SCNN1D: variants seen among roughly 807,000 people sequenced by gnomAD.
SCNN1D encodes sodium channel epithelial 1 subunit delta.
Under a neutral mutation model 87.8 loss-of-function variants are expected in SCNN1D, and 104 were observed. The observed-to-expected ratio is 1.18, with a 90% CI of 1.01 to 1.39. The LOEUF is 1.39. Ranked by LOEUF, SCNN1D falls within the 40% of genes most tolerant of loss-of-function variation. The pLI is 0.00. For synonymous variants in SCNN1D, 628 were observed against 481.2 expected, an observed-to-expected ratio of 1.31 and a Z score of -3.99; for missense variants, 1,324 against 1,093.9, an observed-to-expected ratio of 1.21 and a Z score of -2.97.
rs1640519980 is a variant in SCNN1D, at chr1:1,283,980, G to A, written c.354G>A (p.Glu118=). Reference sequence around the variant, plus strand: ...CCCAGCCAGCCTGTTTTAAATAGGAGGCCAGAGGCTCCATCCTGCTTCAGA... The same window carrying A: ...CCCAGCCAGCCTGTTTTAAATAGGAAGCCAGAGGCTCCATCCTGCTTCAGA... ...VAAASFQSRQ[E]ARGSILLQSC... Residue 118 remains glutamate, a splice_region_variant and synonymous_variant, in exon 5 of 18, where the codon GAG becomes GAA. Transcript: ENST00000379116. 6.9e-7 allele frequency: 1 copy of A among 1,457,426 alleles called. No individual in the cohort carries two copies. 90.3% of individuals were successfully genotyped at this position (1,457,426 alleles called of 1,614,324 possible). A position where few individuals can be genotyped will look rare whatever the true frequency, so the allele number is the denominator to read the frequency against.
At chr1:1,285,882 G>C (rs1640577250) in intron 6 of SCNN1D, 44 bp from the exon 7 acceptor site, 12 of 1,502,428 alleles carry the variant, frequency 8.0e-6, no homozygotes, top group Non-Finnish European at 1.1e-5. Context: ...AGGGAGGCCT[G>C]AGTGGGTGCA....
In SCNN1D at chr1:1,282,286, G is replaced by A; in HGVS notation, c.322G>A (p.Val108Met). 1 of 1,550,130 alleles carries A rather than the reference G, an allele frequency of 6.5e-7. No individual in the cohort carries two copies. The part of the protein sequence containing the change: ...SMAFLSRTSP[V>M]AAASFQSRQE... ...GGCTTTCCTCTCCAGGACGTCACCG[G>A]TGGCAGCTGCTTCCTTCCAGAGCCG... The change falls in exon 4 of 18, where the codon GTG becomes ATG. Residue 108 changes from valine to methionine, a missense_variant. Physicochemically the swap from Val to Met is conservative, Grantham distance 21. Transcript: ENST00000379116.
Position 1,281,526 on chromosome 1 carries a change from C to T in SCNN1D, c.193C>T (p.Pro65Ser). Residue 65 changes from proline (P) to serine (S), a missense_variant, in exon 3 of 18, where the codon CCA (proline) becomes TCA (serine). Pro to Ser is a moderately conservative substitution (Grantham distance 74). Transcript: ENST00000379116. ...ARGWPRRGGG[P>S]CGFTSAGHVL... ...GGGATGGCCCAGAAGAGGGGGAGGACCATGTGGATTCACCAGTGCTGGACA... is the reference window on the plus strand; with the variant it reads ...GGGATGGCCCAGAAGAGGGGGAGGATCATGTGGATTCACCAGTGCTGGACA... 6.5e-7 allele frequency: 1 copy of T among 1,535,574 alleles called. No homozygotes were observed. Among genetic ancestry groups the T allele is most frequent in the African/African-American group, 1.4e-5 (1 of 73,172 alleles).
chr1:1,284,974 G>A (rs945774626), intron 5 of SCNN1D, among the ~76,000 whole-genome samples: 8 of 152,188 alleles, frequency 5.3e-5, no homozygotes, highest in East Asian at 3.9e-4. Flanking sequence ...CTGTCTATGC[G>A]CCAGGTGGAG....
chr1:1,283,569 G>T (rs1160453079), intron 4 of SCNN1D, among the ~76,000 whole-genome samples: 2 of 152,186 alleles, frequency 1.3e-5, no homozygotes, highest in Non-Finnish European at 2.9e-5. Flanking sequence ...ATGGTGGCAG[G>T]TGCCCGTAAT....
intron 5 of SCNN1D, among the ~76,000 whole-genome samples, chr1:1,284,341 G>T (rs1335737206): frequency 1.6e-5 from 2 of 127,104 alleles, no homozygotes; most frequent in Admixed American, 7.6e-5. Context: ...GGGCTGGCGG[G>T]GGGGCTCCCA....
chr1:1,281,793 C>T (rs1640476348), intron 3 of SCNN1D, 183 bp downstream of exon 3: 1 of 618,074 alleles, frequency 1.6e-6, no homozygotes, highest in East Asian at 2.8e-5. Context: ...GGCCTTGCTC[C>T]TGCAAGCTGC....
intron 4 of SCNN1D, 133 bp from the exon 5 acceptor site, chr1:1,283,845 T>G (rs891458246): frequency 2.7e-5 from 13 of 473,192 alleles, no homozygotes; most frequent in Non-Finnish European, 3.3e-5. Flanking sequence ...GGGAAAGATT[T>G]CACCTGCAGA....
In SCNN1D at chr1:1,287,028, G is replaced by A. The variant is rs572018418; in HGVS notation, c.1119+53G>A. 100 of 1,584,574 alleles carry A rather than the reference G, an allele frequency of 6.3e-5. No homozygotes were observed. In the African/African-American group the frequency reaches 1.1e-3, roughly 17 times the overall value. On this transcript the variant is annotated intron_variant, in intron 8 of 17. Transcript: ENST00000379116. ...CATCAGGGCCTTGAGCTGGGAGCACGGCCCTGCGCTGCTGGTACCTCGAGT... is the reference window on the plus strand; with the variant it reads ...CATCAGGGCCTTGAGCTGGGAGCACAGCCCTGCGCTGCTGGTACCTCGAGT...
intron 16 of SCNN1D, 23 bp from the exon 17 acceptor site, chr1:1,291,042 C>G: frequency 6.2e-7 from 1 of 1,609,514 alleles, no homozygotes. Context: ...GGCCAGCGCC[C>G]TCATGCCTCT....
At chr1:1,288,062 CG>C in intron 12 of SCNN1D, 25 bp downstream of exon 12, 4 of 592,076 alleles carry the variant, frequency 6.8e-6, no homozygotes, top group South Asian at 3.0e-5. Context: ...GCAGGGGGTG[CG>C]GGGGCAGGTG....
At chr1:1,288,189 C>CTCTGCTCCATT (rs1640650833) in intron 12 of SCNN1D, 152 bp downstream of exon 12, 8 of 622,178 alleles carry the variant, frequency 1.3e-5, no homozygotes, top group African/African-American at 9.3e-5. Context: ...TCCCCCGTGT[C>CTCTGCTCCATT]CCCGCTCCAT....
intron 3 of SCNN1D, 64 bp downstream of exon 3, chr1:1,281,674 C>G: frequency 7.0e-7 from 1 of 1,421,448 alleles, no homozygotes; most frequent in Admixed American, 2.1e-5. Flanking sequence ...GAGCCGGGAG[C>G]TGCGTGATCC....
intron 4 of SCNN1D, among the ~76,000 whole-genome samples, chr1:1,283,395 G>A (rs1240837225): frequency 6.6e-6 from 1 of 152,140 alleles, no homozygotes; most frequent in Non-Finnish European, 1.5e-5. Context: ...CCAGGAGCTG[G>A]CAGAGAAAGA....
chr1:1,288,200 T>TCCCCGTGTCTCTGCTCCGTC (rs1557584032), intron 12 of SCNN1D, among the ~76,000 whole-genome samples, 163 bp downstream of exon 12: 1 of 146,730 alleles, frequency 6.8e-6, no homozygotes, highest in African/African-American at 2.6e-5. Flanking sequence ...CCCGCTCCAT[T>TCCCCGTGTCTCTGCTCCGTC]CCCTGTGTCT....
chr1:1,290,812 C>G (rs1640783999), intron 15 of SCNN1D, 83 bp from the exon 16 acceptor site: 1 of 1,582,214 alleles, frequency 6.3e-7, no homozygotes, highest in Non-Finnish European at 8.6e-7. Flanking sequence ...GCCCCGTGGT[C>G]TCTGCCCCCA....
intron 12 of SCNN1D, 135 bp downstream of exon 12, chr1:1,288,172 C>A (rs1365688892): frequency 9.2e-6 from 6 of 655,032 alleles, no homozygotes; most frequent in Non-Finnish European, 1.0e-5. Context: ...TGGAGGCCCG[C>A]ACTCCATCCC....
At chr1:1,291,038 C>A in intron 16 of SCNN1D, 27 bp from the exon 17 acceptor site, 2 of 1,606,654 alleles carry the variant, frequency 1.2e-6, no homozygotes, top group Non-Finnish European at 1.7e-6. Flanking sequence ...TCTGGGCCAG[C>A]GCCCTCATGC....
At position 1,285,892 on chromosome 1, in the gene SCNN1D, A is replaced by G. The variant is rs865868554; in HGVS notation, c.559-34A>G. The G allele has an allele frequency of 4.0e-6, 6 of 1,516,822 alleles. No individual in the cohort carries two copies. In the Middle Eastern group the frequency reaches 9.0e-4, roughly 227 times the overall value. 94.0% of individuals were successfully genotyped at this position (1,516,822 alleles called of 1,614,324 possible). A position where few individuals can be genotyped will look rare whatever the true frequency, so the allele number is the denominator to read the frequency against. On this transcript the variant is annotated intron_variant, in intron 6 of 17. Transcript: ENST00000379116. ...AGGGTAGGGAGGCCTGAGTGGGTGC[A>G]GGCCGGGCCCTGCTGAGGCCACTCT...
Sources: gnomAD v4.1 joint callset for allele counts (sites outside exome capture counted in the v4.1 genomes callset) on GRCh38, gnomAD v4.1.1 for gene constraint, MANE v1.5 for transcripts, NCBI Gene and HGNC (gene_info 2026-07-23, HGNC 2026-07-21) for gene names.